Variants in SBF2 observed in about 807,000 individuals in gnomAD.
SBF2 encodes the protein SET binding factor 2, also known as myotubularin-related protein 13.
SBF2 carries 112 observed loss-of-function variants against 225.2 expected under a neutral mutation model. The ratio of observed to expected loss-of-function variants is 0.50; its 90% CI spans 0.43 to 0.58. The LOEUF is 0.58. Among genes scored for constraint, SBF2 ranks in the 20% least tolerant of loss-of-function variants. SBF2 has a pLI of 0.00. For missense variants in SBF2, 1,996 were observed against 2,206.2 expected (o/e 0.90, Z 1.91); for synonymous variants, 763 against 773.3 (o/e 0.99, Z 0.22).
At chr11:10,224,530 A>G (rs1399157576) in intron 1 of SBF2, among the ~76,000 whole-genome samples, 4 of 152,114 alleles carry the variant, frequency 2.6e-5, no homozygotes. Context: ...CATTCATCCA[A>G]TTCTAGCCTC....
chr11:9,897,058 T>C (rs1354380149), intron 16 of SBF2, among the ~76,000 whole-genome samples: 1 of 152,210 alleles, frequency 6.6e-6, no homozygotes, highest in South Asian at 2.1e-4. Flanking sequence ...AACAGGTTTT[T>C]GTATACTCAT....
intron 16 of SBF2, among the ~76,000 whole-genome samples, chr11:9,948,736 C>T (rs1865698721): frequency 6.6e-6 from 1 of 152,220 alleles, no homozygotes; most frequent in Non-Finnish European, 1.5e-5. Context: ...CGTATACCCA[C>T]ATTTCCAACT....
At chr11:10,276,639 T>C (rs1962978680) in intron 1 of SBF2, among the ~76,000 whole-genome samples, 1 of 152,246 alleles carries the variant, frequency 6.6e-6, no homozygotes, top group South Asian at 2.1e-4. Context: ...ATTCCATTCA[T>C]GATCAGTATG....
chr11:9,988,588 C>A (rs1947289488), intron 13 of SBF2, among the ~76,000 whole-genome samples: 1 of 152,024 alleles, frequency 6.6e-6, no homozygotes, highest in South Asian at 2.1e-4. Flanking sequence ...CAAAAGTGGG[C>A]TAAGGACACG....
At chr11:10,158,268 T>C (rs567599376) in intron 2 of SBF2, among the ~76,000 whole-genome samples, 16 of 152,090 alleles carry the variant, frequency 1.1e-4, no homozygotes, top group Middle Eastern at 3.4e-3. Context: ...CTTCACTTTA[T>C]ACCTCAAGAA....
upstream of SBF2, among the ~76,000 whole-genome samples, chr11:10,297,445 G>T (rs1964558693): frequency 1.3e-5 from 2 of 152,164 alleles, no homozygotes; most frequent in South Asian, 4.1e-4. Flanking sequence ...TATGCTTTTA[G>T]TGTTATATCT....
chr11:9,861,884 C>T (rs75658138), intron 17 of SBF2, among the ~76,000 whole-genome samples: 271 of 152,166 alleles, frequency 1.8e-3, no homozygotes, highest in African/African-American at 6.0e-3. Context: ...AAAAACTAAT[C>T]TAAATAGTTT....
chr11:9,897,529 C>T (rs1372320137), intron 16 of SBF2, among the ~76,000 whole-genome samples: 1 of 152,054 alleles, frequency 6.6e-6, no homozygotes, highest in Non-Finnish European at 1.5e-5. Flanking sequence ...TATTTTCATA[C>T]AGTTATATTA....
chr11:10,103,741 T>C (rs1952420830), intron 2 of SBF2, among the ~76,000 whole-genome samples: 2 of 152,156 alleles, frequency 1.3e-5, no homozygotes, highest in Admixed American at 6.6e-5. Flanking sequence ...GCTGATATGT[T>C]CATGAATATC....
chr11:9,936,143 T>G (rs1864881238), intron 16 of SBF2, among the ~76,000 whole-genome samples: 1 of 152,042 alleles, frequency 6.6e-6, no homozygotes. Flanking sequence ...GTGGGTGAAG[T>G]ATATCAACAG....
At chr11:10,184,881 C>G (rs1330090702) in intron 2 of SBF2, among the ~76,000 whole-genome samples, 1 of 152,148 alleles carries the variant, frequency 6.6e-6, no homozygotes, top group South Asian at 2.1e-4. Flanking sequence ...CGCCCACCAC[C>G]ACGCCCGGCT....
chr11:10,163,699 A>G (rs1403259111), intron 2 of SBF2, among the ~76,000 whole-genome samples: 1 of 152,172 alleles, frequency 6.6e-6, no homozygotes, highest in Non-Finnish European at 1.5e-5. Flanking sequence ...AGATTTTAGT[A>G]CTGGAAACAT....
Position 9,789,262 on chromosome 11 carries a change from G to GCC in SBF2, c.4778_4779insGG (p.Tyr1594AlafsTer5), listed in dbSNP as rs1425058107. ...TGGGGGTTAGCATCATCCAGTCATA[G>GCC]GAAGGGCCTGTGGACAGGGTCTCTT... On this transcript the variant is annotated frameshift_variant, in exon 35 of 40. Transcript: ENST00000256190. LOFTEE classifies it high-confidence loss of function. The GCC allele has an allele frequency of 6.2e-7, 1 of 1,614,104 alleles. No individual in the cohort carries two copies. The highest frequency in any genetic ancestry group is 1.3e-5 in the African/African-American group (1 of 74,934).
intron 2 of SBF2, among the ~76,000 whole-genome samples, chr11:10,097,934 G>A (rs949057302): frequency 7.2e-5 from 11 of 151,896 alleles, no homozygotes; most frequent in Admixed American, 5.2e-4. Flanking sequence ...CAGAAGACTC[G>A]GAGGAGAAGC....
chr11:9,931,345 T>A (rs1864485248), intron 16 of SBF2, among the ~76,000 whole-genome samples: 1 of 152,190 alleles, frequency 6.6e-6, no homozygotes, highest in African/African-American at 2.4e-5. Flanking sequence ...GGGAGACACC[T>A]CCCAGTAGGG....
At chr11:10,186,417 T>C (rs918863705) in intron 2 of SBF2, among the ~76,000 whole-genome samples, 5 of 152,126 alleles carry the variant, frequency 3.3e-5, no homozygotes. Flanking sequence ...CCTGTAGTCC[T>C]AGCTATTCTG....
At chr11:10,104,274 G>A (rs1363312331) in intron 2 of SBF2, among the ~76,000 whole-genome samples, 1 of 152,122 alleles carries the variant, frequency 6.6e-6, no homozygotes, top group African/African-American at 2.4e-5. Flanking sequence ...TGTTCCATGT[G>A]TAACTGAGAA....
intron 2 of SBF2, among the ~76,000 whole-genome samples, chr11:10,138,398 A>G (rs1284978247): frequency 6.6e-6 from 1 of 152,136 alleles, no homozygotes; most frequent in Non-Finnish European, 1.5e-5. Flanking sequence ...CAATTGTATC[A>G]TCCCCTCAAA....
At chr11:10,112,529 G>A (rs575754526) in intron 2 of SBF2, among the ~76,000 whole-genome samples, 1 of 152,204 alleles carries the variant, frequency 6.6e-6, no homozygotes, top group East Asian at 1.9e-4. Flanking sequence ...CTTCTTTCTG[G>A]TATAAATTAC....
Sources: allele counts gnomAD v4.1 joint callset (sites outside exome capture counted in the v4.1 genomes callset), GRCh38; gene constraint gnomAD v4.1.1; transcripts MANE v1.5; gene names NCBI Gene and HGNC (gene_info 2026-07-23, HGNC 2026-07-21).